The following RIMS2 variants were observed in gnomAD, a reference collection of about 807,000 sequenced individuals.
RIMS2 encodes regulating synaptic membrane exocytosis 2.
A neutral mutation model predicts 174.4 loss-of-function variants in RIMS2; 59 were observed. The ratio of observed to expected loss-of-function variants is 0.34; its 90% CI spans 0.27 to 0.42. The LOEUF (loss-of-function observed/expected upper bound fraction) is 0.42, where lower values mean the gene tolerates loss of function less well. Among genes scored for constraint, RIMS2 ranks in the 10% least tolerant of loss-of-function variants. The pLI is 1.00. For missense variants in RIMS2, 1,620 were observed against 1,666.3 expected (o/e 0.97, Z 0.48); for synonymous variants, 606 against 572.5 (o/e 1.06, Z -0.84).
chr8:104,053,605 A>G (rs1351913040), intron 19 of RIMS2, among the ~76,000 whole-genome samples: 1 of 152,214 alleles, frequency 6.6e-6, no homozygotes, highest in Non-Finnish European at 1.5e-5. Flanking sequence ...AATATTTCGG[A>G]TAATTAAATC....
chr8:103,832,759 T>G (rs1206085520), intron 3 of RIMS2, among the ~76,000 whole-genome samples: 2 of 152,222 alleles, frequency 1.3e-5, no homozygotes, highest in East Asian at 1.9e-4. Flanking sequence ...TCTATTTGCT[T>G]ATTAGCTACA....
At chr8:103,986,670 T>C (rs2094382539) in intron 16 of RIMS2, among the ~76,000 whole-genome samples, 1 of 151,870 alleles carries the variant, frequency 6.6e-6, no homozygotes, top group African/African-American at 2.4e-5. Flanking sequence ...CTAGTGTTCA[T>C]GACCAGCCTG....
At chr8:104,094,528 T>G (rs1440910332) in intron 19 of RIMS2, 1 of 700,920 alleles carries the variant, frequency 1.4e-6, no homozygotes, top group African/African-American at 1.8e-5. Context: ...CATGAAGAGA[T>G]AGTTCATGAG....
chr8:103,530,602 T>C (rs1020410778), intron 1 of RIMS2, among the ~76,000 whole-genome samples: 35 of 152,228 alleles, frequency 2.3e-4, no homozygotes, highest in Admixed American at 6.5e-4. Context: ...GCAAAAGAAA[T>C]CTGGTGAAGC....
intron 19 of RIMS2, among the ~76,000 whole-genome samples, chr8:104,080,879 GA>G (rs1193523846): frequency 6.6e-6 from 1 of 151,932 alleles, no homozygotes; most frequent in Non-Finnish European, 1.5e-5. Context: ...CTCCAGTCTG[GA>G]AATAATATAG....
intron 1 of RIMS2, among the ~76,000 whole-genome samples, chr8:103,567,238 A>C (rs1387985764): frequency 1.3e-5 from 2 of 152,216 alleles, no homozygotes; most frequent in Non-Finnish European, 2.9e-5. Context: ...AGTGTTGTGC[A>C]AACATCACCA....
chr8:103,634,756 T>A (rs899481741), intron 1 of RIMS2, among the ~76,000 whole-genome samples: 1 of 152,256 alleles, frequency 6.6e-6, no homozygotes, highest in African/African-American at 2.4e-5. Context: ...AATTGAACTC[T>A]TTACCGTTAT....
chr8:104,140,197 A>G lies in RIMS2; in HGVS notation c.3335-104719A>G, dbSNP rs539667753. ...AAGATTTTTGCATCTTAAAACCATG[A>G]TATGTGCATTCTAACCACTGTATTA... On this transcript the variant is annotated intron_variant, in intron 19 of 23. Coordinates refer to ENST00000504942, the Ensembl canonical transcript of RIMS2. 2.6e-5 allele frequency among the ~76,000 whole-genome samples: 4 copies of G among 152,224 alleles called. No individual in the cohort carries two copies. The East Asian group carries it at 7.7e-4, about 29-fold the overall frequency.
chr8:103,746,908 C>G (rs1199644681), intron 2 of RIMS2, among the ~76,000 whole-genome samples: 1 of 151,938 alleles, frequency 6.6e-6, no homozygotes, highest in Non-Finnish European at 1.5e-5. Context: ...TCTCGATGTC[C>G]TGACCTTGTG....
chr8:104,248,664 G>A, intron 20 of RIMS2, 37 bp from the exon 27 acceptor site: 2 of 1,077,096 alleles, frequency 1.9e-6, no homozygotes, highest in Non-Finnish European at 1.4e-6. Flanking sequence ...ATAAATAGGG[G>A]TTGGGGATTT....
intron 2 of RIMS2, among the ~76,000 whole-genome samples, chr8:103,748,690 GT>G (rs1374942991): frequency 1.3e-5 from 2 of 151,848 alleles, no homozygotes; most frequent in Non-Finnish European, 2.9e-5. Context: ...TTTACCATCT[GT>G]TAATCTTTAT....
intron 17 of RIMS2, among the ~76,000 whole-genome samples, chr8:103,999,209 T>C (rs2095277056): frequency 6.6e-6 from 1 of 151,794 alleles, no homozygotes; most frequent in Admixed American, 6.6e-5. Context: ...GATAATAAAA[T>C]AGTTTATAAA....
intron 3 of RIMS2, among the ~76,000 whole-genome samples, chr8:103,859,592 A>G (rs748824411): frequency 4.6e-5 from 7 of 152,074 alleles, no homozygotes; most frequent in Non-Finnish European, 7.4e-5. Flanking sequence ...GATGGGTGTC[A>G]GAGAGCAGCC....
At chr8:104,022,726 C>T (rs2096135877) in intron 19 of RIMS2, among the ~76,000 whole-genome samples, 1 of 152,156 alleles carries the variant, frequency 6.6e-6, no homozygotes, top group African/African-American at 2.4e-5. Context: ...CAGGCAGTTT[C>T]ACATGTAAAG....
At chr8:103,539,195 A>G (rs12549541) in intron 1 of RIMS2, among the ~76,000 whole-genome samples, 18,891 of 152,212 alleles carry the variant, frequency 0.12, 1,270 homozygotes, top group Middle Eastern at 0.23. Context: ...GAGCAACACA[A>G]TGAGACTCTG....
chr8:103,988,735 C>T (rs896663232), intron 16 of RIMS2, among the ~76,000 whole-genome samples: 1 of 152,194 alleles, frequency 6.6e-6, no homozygotes, highest in Non-Finnish European at 1.5e-5. Flanking sequence ...GCTGGAATTA[C>T]AAGCATGAGC....
intron 19 of RIMS2, among the ~76,000 whole-genome samples, chr8:104,043,545 G>A (rs776113816): frequency 9.2e-5 from 14 of 151,608 alleles, no homozygotes; most frequent in Non-Finnish European, 2.1e-4. Context: ...AAGGATGTTA[G>A]TTGTGTTAAA....
chr8:103,998,528 T>C (rs2095243482), intron 17 of RIMS2, among the ~76,000 whole-genome samples: 1 of 151,610 alleles, frequency 6.6e-6, no homozygotes, highest in Admixed American at 6.6e-5. Flanking sequence ...TCTATTTATC[T>C]ACAAATATAG....
At chr8:103,510,103 G>A (rs1825746381) in intron 1 of RIMS2, among the ~76,000 whole-genome samples, 1 of 152,142 alleles carries the variant, frequency 6.6e-6, no homozygotes. Flanking sequence ...CTTATGTTCA[G>A]CTCGAAGAGA....
Sources: gnomAD v4.1 joint callset for allele counts (sites outside exome capture counted in the v4.1 genomes callset) on GRCh38, gnomAD v4.1.1 for gene constraint, MANE v1.5 for transcripts, NCBI Gene and HGNC (gene_info 2026-07-23, HGNC 2026-07-21) for gene names.